Variants in HTRA2 observed in about 807,000 individuals in gnomAD.
HTRA2 encodes serine protease HTRA2, mitochondrial.
Under a neutral mutation model 42.2 loss-of-function variants are expected in HTRA2, and 24 were observed. The observed-to-expected ratio is 0.57, with a 90% CI of 0.41 to 0.80. HTRA2 has a LOEUF of 0.80. Among genes scored for constraint, HTRA2 ranks in the 30% least tolerant of loss-of-function variants. The probability of loss-of-function intolerance (pLI) is 0.00; values close to 1 mark genes in which losing one functional copy is unlikely to be tolerated. For synonymous variants in HTRA2, 245 were observed against 255.8 expected (o/e 0.96, Z 0.40); for missense variants, 466 against 613.5 (o/e 0.76, Z 2.54).
intron 5 of HTRA2, 58 bp downstream of exon 5, chr2:74,531,760 C>T: frequency 6.2e-7 from 1 of 1,611,876 alleles, no homozygotes. Context: ...AGGGGAAGGG[C>T]ATTCAGTGGG....
chr2:74,529,732 TGA>T (rs1421139519), upstream of HTRA2: 6 of 1,520,972 alleles, frequency 3.9e-6, no homozygotes, highest in Non-Finnish European at 5.3e-6. Flanking sequence ...CCGCCCGGGG[TGA>T]GGGGACCCGA....
chr2:74,529,720 A>T, upstream of HTRA2: 5 of 1,529,546 alleles, frequency 3.3e-6, no homozygotes, highest in Non-Finnish European at 4.4e-6. Context: ...GTCTTTGGGC[A>T]TCCGCCCGGG....
Position 74,530,218 on chromosome 2 carries a change from G to T in HTRA2, c.212G>T (p.Cys71Phe), listed in dbSNP as rs1414308285. 3 of 1,610,546 alleles carry T rather than the reference G, an allele frequency of 1.9e-6. No individual in the cohort carries two copies. The African/African-American group carries it at 4.0e-5, about 22-fold the overall frequency. The change falls in exon 1 of 8, where the codon TGC becomes TTC. Residue 71 changes from cysteine (C) to phenylalanine (F), a missense_variant. Transcript: ENST00000258080. The surrounding 1 kb of genome is among the most constrained non-coding windows in gnomAD (Gnocchi z 7.4). ...GTTGGGGTCACTGAACCCCGAGCAT[G>T]CCTGACGTCTGGGACCCCGGGTCCC... The part of the protein sequence containing the change: ...LSVGVTEPRA[C>F]LTSGTPGPRA...
At chr2:74,532,048 C>T in intron 6 of HTRA2, 123 bp downstream of exon 6, 3 of 943,046 alleles carry the variant, frequency 3.2e-6, no homozygotes, top group South Asian at 2.8e-5. Flanking sequence ...TTGAAATAAT[C>T]ACAAGAGCTG....
intron 7 of HTRA2, 25 bp from the exon 8 acceptor site, chr2:74,532,795 T>G (rs1158286857): frequency 6.2e-7 from 1 of 1,614,074 alleles, no homozygotes; most frequent in African/African-American, 1.3e-5. Flanking sequence ...CTCCTTCCTT[T>G]CTCTCTGTCC....
rs1168567472 is a variant in HTRA2 at position 74,533,178 on chromosome 2, T to C, written c.*193T>C. On this transcript the variant is annotated 3_prime_UTR_variant, in exon 8 of 8. Coordinates refer to ENST00000258080, the MANE Select transcript of HTRA2 (RefSeq NM_013247.5). ...TAAAATAAAATTATACCTAGCAACA[T>C]ATTATAGTAAAAAATGAGGTGGGAG... 6.6e-6 allele frequency: 4 copies of C among 602,590 alleles called. No homozygotes were observed. The highest frequency in any genetic ancestry group is 8.7e-6 in the Non-Finnish European group (3 of 343,116). 37.3% of individuals were successfully genotyped at this position (602,590 alleles called of 1,614,324 possible). A position where few individuals can be genotyped will look rare whatever the true frequency, so the allele number is the denominator to read the frequency against.
Position 74,531,711 on chromosome 2 carries a change from G to A in HTRA2, c.1045+9G>A, listed in dbSNP as rs747467120. The A allele has an allele frequency of 4.3e-6, 7 of 1,613,856 alleles. No homozygotes were observed. The East Asian group carries it at 1.1e-4, about 26-fold the overall frequency. Reference sequence around the variant, plus strand: ...TCGTGGGGAAAAGAAGAGTGAGCCTGCCTTATGGGGAAACGGGTTCCTTTA... The same window carrying A: ...TCGTGGGGAAAAGAAGAGTGAGCCTACCTTATGGGGAAACGGGTTCCTTTA... On this transcript the variant is annotated intron_variant, in intron 5 of 7. Coordinates refer to ENST00000258080, the MANE Select transcript of HTRA2 (RefSeq NM_013247.5).
intron 6 of HTRA2, 48 bp from the exon 7 acceptor site, chr2:74,532,566 AGGATG>A (rs1385267341): frequency 7.1e-7 from 1 of 1,416,892 alleles, no homozygotes; most frequent in Non-Finnish European, 9.9e-7. Flanking sequence ...GGTGGAACTC[AGGATG>A]GGGAGAATGC....
chr2:74,531,480 T>C (rs1675595966), intron 4 of HTRA2, 109 bp downstream of exon 4: 7 of 1,608,718 alleles, frequency 4.4e-6, no homozygotes, highest in African/African-American at 1.3e-5. Context: ...CAGTTCTTTG[T>C]TGGCTATCTC....
chr2:74,532,402 CTGTT>C, intron 6 of HTRA2: 4 of 590,898 alleles, frequency 6.8e-6, no homozygotes, highest in East Asian at 3.2e-5. Flanking sequence ...TGATTTAACA[CTGTT>C]TGTCATTTGG....
At chr2:74,529,604 G>A (rs1572992667), upstream of HTRA2, 5 of 1,568,326 alleles carry the variant, frequency 3.2e-6, no homozygotes, top group Non-Finnish European at 3.5e-6. Context: ...GAGCCGCTCC[G>A]GCCCCGGCCC....
rs370279568 is a variant in HTRA2, at chr2:74,531,611, T to C, written c.954T>C (p.Ile318=). The stretch of plus-strand genomic sequence containing the variant: ...TATCCCTGCAGGATGGGGAGGTGAT[T>C]GGAGTGAACACCATGAAGGTCACAG... The part of the protein sequence containing the change: ...GPLVNLDGEV[I]GVNTMKVTAG... Residue 318 remains isoleucine (I), a synonymous_variant, in exon 5 of 8, where the codon ATT becomes ATC. Transcript: ENST00000258080. The C allele has an allele frequency of 6.2e-7, 1 of 1,614,030 alleles. No homozygotes were observed. The highest frequency in any genetic ancestry group is 8.5e-7 in the Non-Finnish European group (1 of 1,180,032).
Position 74,530,934 on chromosome 2 carries a change from G to A in HTRA2, c.735G>A (p.Leu245=). The stretch of plus-strand genomic sequence containing the variant: ...AGGAGCCTCTCCCCACGCTGCCTCT[G>A]GGACGCTCAGCTGATGTCCGGCAAG... ...QTKEPLPTLP[L]GRSADVRQGE... is the part of the protein sequence containing the mutation. Residue 245 remains leucine, a synonymous_variant, in exon 3 of 8, where the codon CTG becomes CTA. Transcript: ENST00000258080. The surrounding 1 kb of genome is among the most constrained non-coding windows in gnomAD (Gnocchi z 7.4). 2 of 1,614,182 alleles carry A rather than the reference G, an allele frequency of 1.2e-6. No individual in the cohort carries two copies. Among genetic ancestry groups the A allele is most frequent in the Non-Finnish European group, 8.5e-7 (1 of 1,180,034 alleles).
intron 6 of HTRA2, among the ~76,000 whole-genome samples, chr2:74,532,229 C>T (rs1675662853): frequency 6.6e-6 from 1 of 152,184 alleles, no homozygotes; most frequent in African/African-American, 2.4e-5. Context: ...GCTGTAATAC[C>T]TTCCTATATG....
At chr2:74,531,211 G>A in intron 3 of HTRA2, 106 bp downstream of exon 3, 1 of 1,551,138 alleles carries the variant, frequency 6.4e-7, no homozygotes, top group Non-Finnish European at 8.9e-7. Context: ...TAGAGCTTAG[G>A]CTGCAAAAAT....
intron 4 of HTRA2, 109 bp from the exon 5 acceptor site, chr2:74,531,488 C>G (rs765036783): frequency 6.2e-7 from 1 of 1,604,790 alleles, no homozygotes; most frequent in Non-Finnish European, 8.5e-7. Context: ...TGTTGGCTAT[C>G]TCTCAATATC....
At chr2:74,531,766 G>A in intron 5 of HTRA2, 64 bp downstream of exon 5, 1 of 1,611,648 alleles carries the variant, frequency 6.2e-7, no homozygotes, top group Non-Finnish European at 8.5e-7. Flanking sequence ...AGGGCATTCA[G>A]TGGGACTTCC....
Position 74,531,087 on chromosome 2 carries a change from A to G in HTRA2, c.888A>G (p.Gln296=), listed in dbSNP as rs1158314286. Reference sequence around the variant, plus strand: ...CCCAAACCAATGTGGAATACATTCAAACTGATGCAGCTATTGATGTGCGTC... The same window carrying G: ...CCCAAACCAATGTGGAATACATTCAGACTGATGCAGCTATTGATGTGCGTC... ...GLPQTNVEYI[Q]TDAAIDFGNS... Residue 296 remains glutamine (Q), a synonymous_variant, in exon 3 of 8, where the codon CAA becomes CAG. Coordinates refer to ENST00000258080, the MANE Select transcript of HTRA2 (RefSeq NM_013247.5). 6.2e-7 allele frequency: 1 copy of G among 1,614,186 alleles called. No homozygotes were observed. The highest frequency in any genetic ancestry group is 2.2e-5 in the East Asian group (1 of 44,888).
chr2:74,533,170 T>C lies in HTRA2; in HGVS notation c.*185T>C. The C allele has an allele frequency of 1.6e-6, 1 of 610,176 alleles. No homozygotes were observed. The highest frequency in any genetic ancestry group is 2.0e-5 in the South Asian group (1 of 50,056). The allele number at this position is 610,176 out of a possible 1,614,324, so 37.8% of individuals were successfully genotyped here. A position where few individuals can be genotyped will look rare whatever the true frequency, so the allele number is the denominator to read the frequency against. On this transcript the variant is annotated 3_prime_UTR_variant, in exon 8 of 8. Transcript: ENST00000258080. ...TTTTTATATAAAATAAAATTATACC[T>C]AGCAACATATTATAGTAAAAAATGA...
Sources: allele counts gnomAD v4.1 joint callset (sites outside exome capture counted in the v4.1 genomes callset), GRCh38; gene constraint gnomAD v4.1.1; non-coding constraint Gnocchi (gnomAD v3.1); transcripts MANE v1.5; gene names NCBI Gene and HGNC (gene_info 2026-07-23, HGNC 2026-07-21).